The following LRRC37A variants were observed in gnomAD, a reference collection of about 807,000 sequenced individuals.
The protein encoded by LRRC37A is leucine rich repeat containing 37A.
In LRRC37A, 3 loss-of-function variants were observed where a neutral mutation model predicts 35.4. The observed-to-expected ratio is 0.08, with a 90% CI of 0.04 to 0.22. The LOEUF is 0.22. Ranked by LOEUF, LRRC37A falls within the 10% of genes least tolerant of loss-of-function variation. The probability of loss-of-function intolerance (pLI) is 1.00; values close to 1 mark genes in which losing one functional copy is unlikely to be tolerated. For missense variants in LRRC37A, 67 were observed against 565.3 expected, an observed-to-expected ratio of 0.12 and a Z score of 8.94; for synonymous variants, 23 against 215.0, an observed-to-expected ratio of 0.11 and a Z score of 7.81.
At chr17:46,250,602 G>A in the LRRC37A span, among the ~76,000 whole-genome samples, 1 of 152,234 alleles carries the variant, frequency 6.6e-6, no homozygotes, top group East Asian at 1.9e-4. Context: ...CGGACTCCAA[G>A]TTCTTCAGTT....
chr17:46,286,333 A>G, the LRRC37A span, among the ~76,000 whole-genome samples: 8 of 152,382 alleles, frequency 5.2e-5, no homozygotes, highest in South Asian at 1.4e-3. Flanking sequence ...GATAAATATG[A>G]AACATTCAAT....
the LRRC37A span, among the ~76,000 whole-genome samples, chr17:46,285,491 C>G: frequency 1.3e-5 from 2 of 152,036 alleles, no homozygotes; most frequent in Non-Finnish European, 2.9e-5. Flanking sequence ...TTGCCCACCT[C>G]AGCCCCCACA....
the LRRC37A span, among the ~76,000 whole-genome samples, chr17:46,272,993 A>AT: frequency 6.6e-6 from 1 of 152,330 alleles, no homozygotes; most frequent in East Asian, 1.9e-4. Flanking sequence ...ACATTACTTT[A>AT]TTTTTCTAGT....
the LRRC37A span, among the ~76,000 whole-genome samples, chr17:46,264,591 T>G: frequency 6.6e-6 from 1 of 152,218 alleles, no homozygotes; most frequent in African/African-American, 2.4e-5. Context: ...CTGAGTTGAT[T>G]TCTCACTGTA....
chr17:46,261,020 A>G, the LRRC37A span, among the ~76,000 whole-genome samples: 4,717 of 152,100 alleles, frequency 0.031, 266 homozygotes, highest in African/African-American at 0.11. Context: ...GAGGATGCAA[A>G]GGCATAAGAA....
At chr17:46,262,962 A>C in the LRRC37A span, among the ~76,000 whole-genome samples, 22,036 of 152,072 alleles carry the variant, frequency 0.14, 2,134 homozygotes, top group Non-Finnish European at 0.22. Flanking sequence ...CCTGTCATCC[A>C]AGCACTTTGT....
rs963979069 is a variant in LRRC37A, at chr17:46,311,505, C to T, written c.2906+5196C>T. Among the ~76,000 whole-genome samples, 41 of 82,540 alleles carry T rather than the reference C, an allele frequency of 5.0e-4. 5 individuals carry two copies. Among genetic ancestry groups the T allele is most frequent in the African/African-American group, 1.4e-3 (39 of 28,412 alleles). 54.1% of individuals were successfully genotyped at this position (82,540 alleles called of 152,430 possible). The stretch of plus-strand genomic sequence containing the variant: ...AGCTAGAGCTGTTAGGATTTCAGTA[C>T]ATTTAAGACAGTGATGACATGCTCC... On this transcript the variant is annotated intron_variant, in intron 5 of 13. Coordinates refer to ENST00000320254, the Ensembl canonical transcript of LRRC37A.
chr17:46,277,976 G>A, the LRRC37A span, among the ~76,000 whole-genome samples: 1 of 151,078 alleles, frequency 6.6e-6, no homozygotes, highest in African/African-American at 2.4e-5. Flanking sequence ...ATGGAGTCTC[G>A]TTCTTGTCGC....
the LRRC37A span, among the ~76,000 whole-genome samples, chr17:46,258,563 A>C: frequency 1.3e-5 from 2 of 152,198 alleles, no homozygotes; most frequent in Non-Finnish European, 2.9e-5. Context: ...AATTGTAAAA[A>C]TGTGGAACCA....
chr17:46,270,800 G>T, the LRRC37A span, among the ~76,000 whole-genome samples: 2 of 152,180 alleles, frequency 1.3e-5, no homozygotes, highest in South Asian at 2.1e-4. Context: ...CCAGCTATTG[G>T]GGGGCAGGAG....
At position 46,324,868 on chromosome 17, in the gene LRRC37A, G is replaced by A. The variant is rs537032039; in HGVS notation, c.3053+1841G>A. ...TATATATATATTTATATATATGTAC[G>A]TGTATATATGTATATGTATGCCTGC... is the stretch of plus-strand genomic sequence containing the variant. On this transcript the variant is annotated intron_variant, in intron 7 of 13. Transcript: ENST00000320254. Among the ~76,000 whole-genome samples the A allele has an allele frequency of 6.6e-5, 5 of 75,338 alleles. 2 individuals carry two copies. In the East Asian group the frequency reaches 1.3e-3, roughly 19 times the overall value. 49.4% of individuals were successfully genotyped at this position (75,338 alleles called of 152,430 possible).
chr17:46,275,198 C>CT, the LRRC37A span: 2 of 327,766 alleles, frequency 6.1e-6, no homozygotes, highest in Non-Finnish European at 1.1e-5. Flanking sequence ...GGCAACTTTG[C>CT]TTTTTTCTTG....
At chr17:46,256,254 G>A in the LRRC37A span, among the ~76,000 whole-genome samples, 179 of 152,100 alleles carry the variant, frequency 1.2e-3, no homozygotes, top group South Asian at 0.027. Context: ...GCGTGGTGGC[G>A]CAAGTCTGTA....
chr17:46,298,723 CAAA>C (rs1189992034), intron 1 of LRRC37A, among the ~76,000 whole-genome samples: 1 of 40,434 alleles, frequency 2.5e-5, no homozygotes, highest in African/African-American at 8.2e-5. Context: ...GACTCCATCT[CAAA>C]AAAAAAAAAA....
At chr17:46,248,523 A>G in the LRRC37A span, among the ~76,000 whole-genome samples, 9 of 151,982 alleles carry the variant, frequency 5.9e-5, no homozygotes, top group African/African-American at 1.7e-4. Flanking sequence ...TTCACTTAGC[A>G]TAATTTTTTC....
chr17:46,269,647 A>G, the LRRC37A span, among the ~76,000 whole-genome samples: 2 of 152,242 alleles, frequency 1.3e-5, no homozygotes, highest in African/African-American at 4.8e-5. Flanking sequence ...AGAGTAAGAT[A>G]TAGTTTATTT....
chr17:46,258,707 C>CTTTTTTT, the LRRC37A span, among the ~76,000 whole-genome samples: 33 of 81,114 alleles, frequency 4.1e-4, no homozygotes, highest in Non-Finnish European at 5.6e-4. Context: ...GACTATTATT[C>CTTTTTTT]TTTTTTTTTT....
rs1370753355 is a variant in LRRC37A, at chr17:46,324,944, C to G, written c.3053+1917C>G. On this transcript the variant is annotated intron_variant, in intron 7 of 13. Transcript: ENST00000320254. Reference sequence around the variant, plus strand: ...CAATTTACTGCAACTTCAATTGTGCCACCAGCCCCCACAATATGGCAAGCT... The same window carrying G: ...CAATTTACTGCAACTTCAATTGTGCGACCAGCCCCCACAATATGGCAAGCT... Among the ~76,000 whole-genome samples the G allele has an allele frequency of 2.6e-5, 2 of 77,720 alleles. 1 individual carries two copies. Among genetic ancestry groups the G allele is most frequent in the Non-Finnish European group, 7.6e-5 (2 of 26,172 alleles). The allele number at this position is 77,720 out of a possible 152,430, so 51.0% of individuals were successfully genotyped here.
At chr17:46,275,701 A>G in the LRRC37A span, among the ~76,000 whole-genome samples, 1 of 152,250 alleles carries the variant, frequency 6.6e-6, no homozygotes. Flanking sequence ...CAACTGGACA[A>G]ATAGAGACAT....
Sources: allele counts gnomAD v4.1 joint callset (sites outside exome capture counted in the v4.1 genomes callset), GRCh38; gene constraint gnomAD v4.1.1; transcripts MANE v1.5; gene names NCBI Gene and HGNC (gene_info 2026-07-23, HGNC 2026-07-21).